The following AK9 variants were observed in gnomAD, a reference collection of about 807,000 sequenced individuals.
The protein encoded by AK9 is adenylate kinase domain containing 1.
A neutral mutation model predicts 239.6 loss-of-function variants in AK9; 191 were observed. The ratio of observed to expected loss-of-function variants is 0.80; its 90% CI spans 0.71 to 0.90. The LOEUF (loss-of-function observed/expected upper bound fraction) is 0.90, where lower values mean the gene tolerates loss of function less well. AK9 is among the 40% of genes least tolerant of loss of function. AK9 has a pLI of 0.00. For missense variants in AK9, 1,995 were observed against 2,214.7 expected (o/e 0.90, Z 1.99); for synonymous variants, 689 against 721.0 (o/e 0.96, Z 0.71).
chr6:109,620,730 C>T (rs1227161023), intron 12 of AK9, among the ~76,000 whole-genome samples: 1 of 151,644 alleles, frequency 6.6e-6, no homozygotes, highest in Non-Finnish European at 1.5e-5. Flanking sequence ...ACTTACTTAA[C>T]TAAAATATGA....
intron 10 of AK9, among the ~76,000 whole-genome samples, chr6:109,636,750 T>TCACACACACACACA (rs57475668): frequency 0.086 from 11,642 of 135,358 alleles, 784 homozygotes; most frequent in East Asian, 0.21. Flanking sequence ...TAATATTCCA[T>TCACACACACACACA]CACACACACA....
intron 17 of AK9, among the ~76,000 whole-genome samples, chr6:109,601,419 T>C (rs1356415496): frequency 6.6e-6 from 1 of 152,248 alleles, no homozygotes; most frequent in Non-Finnish European, 1.5e-5. Context: ...AGTTCTAGTT[T>C]GATTGCACTG....
chr6:109,679,355 C>T (rs1772270753), intron 1 of AK9, among the ~76,000 whole-genome samples: 1 of 152,154 alleles, frequency 6.6e-6, no homozygotes, highest in African/African-American at 2.4e-5. Context: ...TCCCTCCTCC[C>T]ACCCCCGCAG....
At chr6:109,622,127 C>T (rs1269709003) in intron 12 of AK9, among the ~76,000 whole-genome samples, 1 of 143,944 alleles carries the variant, frequency 6.9e-6, no homozygotes, top group Admixed American at 7.1e-5. Context: ...ATATAATACA[C>T]ATATTGTATA....
At chr6:109,553,902 T>C (rs2128169340) in intron 24 of AK9, among the ~76,000 whole-genome samples, 1 of 152,360 alleles carries the variant, frequency 6.6e-6, no homozygotes, top group South Asian at 2.1e-4. Context: ...TGAGAGTTTT[T>C]AACATGAAGT....
At chr6:109,600,167 G>C (rs538378954) in intron 17 of AK9, among the ~76,000 whole-genome samples, 11 of 152,234 alleles carry the variant, frequency 7.2e-5, no homozygotes, top group African/African-American at 2.6e-4. Flanking sequence ...GTTTTCAAAG[G>C]GAATGCTTCC....
rs1797450241 is a variant in AK9 at position 109,641,577 on chromosome 6, C to T, written c.874G>A (p.Ala292Thr). Residue 292 changes from alanine (A) to threonine (T), a missense_variant, in exon 10 of 41, where the codon GCA (alanine) becomes ACA (threonine). By Grantham distance (58) the Ala-to-Thr change is moderately conservative. Transcript: ENST00000424296. The stretch of plus-strand genomic sequence containing the variant: ...CCCTGAAGTTTGGTTAGAATAGCTG[C>T]TCTTTTTAGGTTCAGATATTTAAGT... ...DRLKYLNLKR[A>T]AILTKLQGAE... 8 of 1,613,398 alleles carry T rather than the reference C, an allele frequency of 5.0e-6. No individual in the cohort carries two copies. Among genetic ancestry groups the T allele is most frequent in the Non-Finnish European group, 6.8e-6 (8 of 1,179,578 alleles).
At chr6:109,515,623 A>T (rs1779200140) in intron 31 of AK9, among the ~76,000 whole-genome samples, 1 of 152,128 alleles carries the variant, frequency 6.6e-6, no homozygotes, top group African/African-American at 2.4e-5. Context: ...AGAGATAAGG[A>T]GAAACTCAGG....
chr6:109,641,550 C>T lies in AK9; in HGVS notation c.901G>A (p.Ala301Thr). Reference sequence around the variant, plus strand: ...ATTGTGTCATTAATTTCTTCCTCTGCACCCTGAAGTTTGGTTAGAATAGCT... The same window carrying T: ...ATTGTGTCATTAATTTCTTCCTCTGTACCCTGAAGTTTGGTTAGAATAGCT... ...RAAILTKLQG[A>T]EEEINDTMEN... Residue 301 changes from alanine to threonine, a missense_variant, in exon 10 of 41, where the codon GCA becomes ACA. By Grantham distance (58) the Ala-to-Thr change is moderately conservative (BLOSUM62 0). This residue lies in a region of AK9 where 1,290 missense variants were observed against 1,392.7 expected (regional missense o/e 0.93). Transcript: ENST00000424296. The T allele has an allele frequency of 6.2e-7, 1 of 1,613,484 alleles. No individual in the cohort carries two copies. Among genetic ancestry groups the T allele is most frequent in the Non-Finnish European group, 8.5e-7 (1 of 1,179,504 alleles).
At chr6:109,544,529 T>C (rs763165182) in intron 26 of AK9, among the ~76,000 whole-genome samples, 3 of 152,112 alleles carry the variant, frequency 2.0e-5, no homozygotes, top group Non-Finnish European at 4.4e-5. Context: ...TTTAAAAGTG[T>C]GTGGCACCTC....
At chr6:109,582,488 G>A (rs1788978270) in intron 19 of AK9, among the ~76,000 whole-genome samples, 1 of 152,186 alleles carries the variant, frequency 6.6e-6, no homozygotes, top group Non-Finnish European at 1.5e-5. Flanking sequence ...GGAAGTAACT[G>A]CAGATGTAGT....
intron 35 of AK9, among the ~76,000 whole-genome samples, chr6:109,504,683 C>T (rs1399404243): frequency 6.6e-6 from 1 of 151,962 alleles, no homozygotes; most frequent in Non-Finnish European, 1.5e-5. Flanking sequence ...GTGGCGCACA[C>T]CTGTAGTCCT....
rs1213229297 is a variant in AK9, at chr6:109,652,802, C to T, written c.759+3954G>A. Among the ~76,000 whole-genome samples, 5 of 152,186 alleles carry T rather than the reference C, an allele frequency of 3.3e-5. No individual in the cohort carries two copies. In the South Asian group the frequency reaches 6.2e-4, roughly 19 times the overall value. ...TCCATGCTGCCCGCACAACACAGTG[C>T]GTCTTTTTATACAACCATTCACCTC... On this transcript the variant is annotated intron_variant, in intron 8 of 40. Transcript: ENST00000424296.
chr6:109,684,790 C>T lies in AK9; in HGVS notation c.-12+6357G>A, dbSNP rs868691398. Reference sequence around the variant, plus strand: ...TTGGGAGGCTGAGGCAGGAGAATGGCGTGAACCCGGGAGGCAGAGCTTGCA... The same window carrying T: ...TTGGGAGGCTGAGGCAGGAGAATGGTGTGAACCCGGGAGGCAGAGCTTGCA... On this transcript the variant is annotated intron_variant, in intron 1 of 40. Coordinates refer to ENST00000424296, the MANE Select transcript of AK9 (RefSeq NM_001145128.3). Among the ~76,000 whole-genome samples the T allele has an allele frequency of 1.2e-3, 143 of 120,508 alleles. 2 individuals are homozygous for T. The highest frequency in any genetic ancestry group is 4.5e-3 in the Middle Eastern group (1 of 224). The allele number at this position is 120,508 out of a possible 152,430, so 79.1% of individuals were successfully genotyped here.
chr6:109,654,944 T>C (rs370402611), intron 8 of AK9, among the ~76,000 whole-genome samples: 2 of 152,340 alleles, frequency 1.3e-5, no homozygotes, highest in Admixed American at 6.5e-5. Flanking sequence ...ACTAGAATTG[T>C]AGGGTCTTAC....
chr6:109,524,907 A>T (rs1238732217), intron 29 of AK9, among the ~76,000 whole-genome samples: 2 of 152,174 alleles, frequency 1.3e-5, no homozygotes, highest in Non-Finnish European at 2.9e-5. Context: ...AAAGCCAAGG[A>T]TGTGTTTGTA....
intron 25 of AK9, 32 bp from the exon 26 acceptor site, chr6:109,546,159 G>GGGTGGT: frequency 1.2e-6 from 1 of 833,726 alleles, no homozygotes; most frequent in Non-Finnish European, 1.8e-6. Context: ...GGAGGGGTGG[G>GGGTGGT]ATAAAGGGAG....
chr6:109,644,606 G>A lies in AK9; in HGVS notation c.834+8C>T. The A allele has an allele frequency of 6.2e-7, 1 of 1,605,464 alleles. No homozygotes were observed. The highest frequency in any genetic ancestry group is 8.5e-7 in the Non-Finnish European group (1 of 1,176,054). On this transcript the variant is annotated splice_region_variant and intron_variant, in intron 9 of 40. Transcript: ENST00000424296. ...CTGTGAAGTATTCCTGCTTAACACT[G>A]CACTCACCATAAAGAGCTCCTCTGC...
intron 13 of AK9, among the ~76,000 whole-genome samples, chr6:109,618,369 A>G (rs78955211): frequency 0.047 from 7,072 of 151,958 alleles, 191 homozygotes; most frequent in South Asian, 0.088. Flanking sequence ...GCAAAAACCA[A>G]TCAATGAACA....
Sources: allele counts gnomAD v4.1 joint callset (sites outside exome capture counted in the v4.1 genomes callset), GRCh38; gene constraint gnomAD v4.1.1; regional missense constraint gnomAD v4.1.1; transcripts MANE v1.5; gene names NCBI Gene and HGNC (gene_info 2026-07-23, HGNC 2026-07-21).